MIER1: variants seen among roughly 807,000 people sequenced by gnomAD.
MIER1 encodes MIER1 transcriptional regulator, also known as mesoderm induction early response protein 1.
In MIER1, 40 loss-of-function variants were observed where a neutral mutation model predicts 75.7. That is an observed-to-expected ratio of 0.53 (90% confidence interval 0.41 to 0.69). The LOEUF is 0.69. MIER1 is among the 30% of genes least tolerant of loss of function. The probability of loss-of-function intolerance (pLI) is 0.00; values close to 1 mark genes in which losing one functional copy is unlikely to be tolerated. For missense variants in MIER1, 574 were observed against 680.2 expected, an observed-to-expected ratio of 0.84 and a Z score of 1.74; for synonymous variants, 213 against 223.4, an observed-to-expected ratio of 0.95 and a Z score of 0.42.
chr1:66,984,607 AAAGAGG>A lies in MIER1; in HGVS notation c.1409_1414del (p.Glu470_Glu471del). 6.2e-7 allele frequency: 1 copy of A among 1,608,962 alleles called. No individual in the cohort carries two copies. Among genetic ancestry groups the A allele is most frequent in the Non-Finnish European group, 8.5e-7 (1 of 1,178,518 alleles). ...TAATGGACCAGGTGAAATATTAAAC[AAAGAGG>A]AAGTAAAAGTTGAAGGGTTACACAT... On this transcript the variant is annotated inframe_deletion, in exon 14 of 14. Coordinates refer to ENST00000401041, the MANE Select transcript of MIER1 (RefSeq NM_001077700.3).
intron 13 of MIER1, among the ~76,000 whole-genome samples, chr1:66,983,878 A>G (rs1397198530): frequency 1.3e-5 from 2 of 152,252 alleles, no homozygotes; most frequent in African/African-American, 2.4e-5. Context: ...GGTGCACGCC[A>G]CCACTCCTGG....
chr1:66,927,206 G>A (rs11208973), intron 2 of MIER1, among the ~76,000 whole-genome samples: 87,823 of 151,956 alleles, frequency 0.58, 27,641 homozygotes, highest in East Asian at 0.84. Context: ...TAGCAGTTTT[G>A]AGTAGCTTAA....
At chr1:66,977,267 G>A (rs1375423578) in intron 12 of MIER1, among the ~76,000 whole-genome samples, 1 of 151,844 alleles carries the variant, frequency 6.6e-6, no homozygotes, top group Non-Finnish European at 1.5e-5. Flanking sequence ...CTGCCATGAC[G>A]CCTGGCTAAT....
chr1:66,961,211 AT>A (rs551610028), intron 7 of MIER1, among the ~76,000 whole-genome samples: 4 of 151,464 alleles, frequency 2.6e-5, no homozygotes, highest in East Asian at 1.9e-4. Flanking sequence ...TCAGAGATTC[AT>A]TTTTTTTTAA....
intron 12 of MIER1, among the ~76,000 whole-genome samples, chr1:66,981,119 G>A (rs1157423633): frequency 1.3e-5 from 2 of 152,124 alleles, no homozygotes; most frequent in East Asian, 1.9e-4. Flanking sequence ...TTTTGTAGGT[G>A]ATACACTAAA....
At chr1:66,941,659 G>A (rs1034770648) in intron 3 of MIER1, among the ~76,000 whole-genome samples, 2 of 152,188 alleles carry the variant, frequency 1.3e-5, no homozygotes, top group Non-Finnish European at 2.9e-5. Context: ...TGAACTGGAA[G>A]AATAATGGAG....
At chr1:66,925,357 C>A in intron 1 of MIER1, 1 of 985,456 alleles carries the variant, frequency 1.0e-6, no homozygotes, top group Non-Finnish European at 1.2e-6. Context: ...GCGGTGGTGG[C>A]GCCGCGCTGG....
chr1:66,981,302 G>C (rs1665835059), intron 12 of MIER1, among the ~76,000 whole-genome samples: 1 of 152,158 alleles, frequency 6.6e-6, no homozygotes, highest in Non-Finnish European at 1.5e-5. Context: ...GCTCAGATCT[G>C]GCAGAAATAT....
intron 2 of MIER1, among the ~76,000 whole-genome samples, chr1:66,929,452 T>C (rs959023461): frequency 2.0e-5 from 3 of 152,262 alleles, no homozygotes; most frequent in African/African-American, 7.2e-5. Context: ...TTGAAATCAT[T>C]GGTTCTGGCC....
intron 3 of MIER1, among the ~76,000 whole-genome samples, chr1:66,944,752 G>T (rs1413291899): frequency 6.6e-6 from 1 of 151,614 alleles, no homozygotes; most frequent in African/African-American, 2.4e-5. Context: ...TAAAGTCAGG[G>T]CCTTGCTCTG....
chr1:66,930,418 C>G (rs536283150), intron 2 of MIER1: 2 of 1,605,284 alleles, frequency 1.2e-6, no homozygotes, highest in Non-Finnish European at 1.7e-6. Context: ...AGCGAGCTCC[C>G]CCTCCCTGTC....
At chr1:66,930,087 C>T (rs537928933) in intron 2 of MIER1, among the ~76,000 whole-genome samples, 99 of 152,286 alleles carry the variant, frequency 6.5e-4, no homozygotes, top group African/African-American at 2.3e-3. Context: ...CCCACACCCA[C>T]CTTGACTCCG....
chr1:66,986,102 C>G lies in MIER1; in HGVS notation c.*1202C>G. On this transcript the variant is annotated 3_prime_UTR_variant, in exon 14 of 14. Transcript: ENST00000401041. ...AGATATTGGCACACACAAGGAACAACTGTTGGCAGGCAGTATCGATTTTAT... is the reference window on the plus strand; with the variant it reads ...AGATATTGGCACACACAAGGAACAAGTGTTGGCAGGCAGTATCGATTTTAT... The G allele has an allele frequency of 9.2e-7, 1 of 1,088,340 alleles. No individual in the cohort carries two copies. Among genetic ancestry groups the G allele is most frequent in the Non-Finnish European group, 1.1e-6 (1 of 895,582 alleles). 67.4% of individuals were successfully genotyped at this position (1,088,340 alleles called of 1,614,324 possible).
chr1:66,925,201 C>T, intron 1 of MIER1, 106 bp downstream of exon 1: 1 of 1,433,824 alleles, frequency 7.0e-7, no homozygotes, highest in Non-Finnish European at 9.1e-7. Context: ...TCCCCCACGG[C>T]AGTGTACCGC....
chr1:66,945,550 A>G (rs1219838826), intron 3 of MIER1, among the ~76,000 whole-genome samples: 1 of 152,062 alleles, frequency 6.6e-6, no homozygotes, highest in Non-Finnish European at 1.5e-5. Context: ...CATTGGTTCT[A>G]TCAAACATTA....
At chr1:66,943,023 A>G (rs1656621399) in intron 3 of MIER1, among the ~76,000 whole-genome samples, 3 of 152,226 alleles carry the variant, frequency 2.0e-5, no homozygotes, top group Admixed American at 6.5e-5. Flanking sequence ...GTCTAATTAC[A>G]ATTATATTCT....
At chr1:66,972,216 C>A (rs1663755314) in intron 10 of MIER1, among the ~76,000 whole-genome samples, 1 of 89,304 alleles carries the variant, frequency 1.1e-5, no homozygotes, top group African/African-American at 3.7e-5. Flanking sequence ...AAGAGTACTA[C>A]ATATATATAT....
At chr1:66,934,062 CTTA>C (rs1209711219) in intron 2 of MIER1, among the ~76,000 whole-genome samples, 3 of 152,042 alleles carry the variant, frequency 2.0e-5, no homozygotes, top group South Asian at 2.1e-4. Flanking sequence ...AGAACAATAA[CTTA>C]TTATGTAGGT....
intron 4 of MIER1, among the ~76,000 whole-genome samples, chr1:66,957,233 A>G (rs1363776615): frequency 6.6e-6 from 1 of 152,114 alleles, no homozygotes; most frequent in African/African-American, 2.4e-5. Context: ...AGCTGATTTC[A>G]TTTCATTGTG....
Sources: allele counts gnomAD v4.1 joint callset (sites outside exome capture counted in the v4.1 genomes callset), GRCh38; gene constraint gnomAD v4.1.1; transcripts MANE v1.5; gene names NCBI Gene and HGNC (gene_info 2026-07-23, HGNC 2026-07-21).